Variants in TMTC1 observed in about 807,000 individuals in gnomAD.
TMTC1 encodes transmembrane O-mannosyltransferase targeting cadherins 1.
In TMTC1, 73 loss-of-function variants were observed where a neutral mutation model predicts 104.8. The observed-to-expected ratio is 0.70, with a 90% CI of 0.58 to 0.85. The LOEUF is 0.85. TMTC1 is among the 40% of genes least tolerant of loss of function. TMTC1 has a pLI of 0.00. For missense variants in TMTC1, 1,035 were observed against 1,096.1 expected (o/e 0.94, Z 0.79); for synonymous variants, 434 against 428.7 (o/e 1.01, Z -0.15).
At chr12:29,747,604 CA>C (rs1377883736) in intron 5 of TMTC1, among the ~76,000 whole-genome samples, 1 of 152,098 alleles carries the variant, frequency 6.6e-6, no homozygotes, top group Admixed American at 6.5e-5. Flanking sequence ...TGAACAACAA[CA>C]AAAAAATCGC....
At chr12:29,758,093 T>C (rs1418460455) in intron 3 of TMTC1, among the ~76,000 whole-genome samples, 1 of 152,140 alleles carries the variant, frequency 6.6e-6, no homozygotes, top group Non-Finnish European at 1.5e-5. Flanking sequence ...CACTCCTTTC[T>C]CTATATGGAC....
chr12:29,536,137 C>G (rs1394533652), intron 11 of TMTC1, 72 bp downstream of exon 11: 2 of 1,030,924 alleles, frequency 1.9e-6, no homozygotes, highest in East Asian at 4.8e-5. Context: ...ATCATTAGTA[C>G]AAAAATCTGT....
chr12:29,752,865 T>A (rs1238829191), intron 4 of TMTC1, among the ~76,000 whole-genome samples: 1 of 152,220 alleles, frequency 6.6e-6, no homozygotes, highest in Non-Finnish European at 1.5e-5. Flanking sequence ...TTCAGGATTG[T>A]GATTCCCTCT....
intron 2 of TMTC1, among the ~76,000 whole-genome samples, chr12:29,761,785 C>T (rs1943356638): frequency 6.6e-6 from 1 of 152,152 alleles, no homozygotes; most frequent in African/African-American, 2.4e-5. Context: ...GTTAAAGAAT[C>T]CATCAACAAT....
intron 10 of TMTC1, among the ~76,000 whole-genome samples, chr12:29,550,280 G>A (rs1020521377): frequency 2.0e-5 from 3 of 152,152 alleles, no homozygotes; most frequent in Non-Finnish European, 2.9e-5. Flanking sequence ...TTGATGTCAC[G>A]TGCATTACTG....
chr12:29,608,557 G>C (rs530759877), intron 6 of TMTC1, among the ~76,000 whole-genome samples: 2 of 152,292 alleles, frequency 1.3e-5, no homozygotes, highest in East Asian at 3.9e-4. Flanking sequence ...TTAATTTGGT[G>C]ATCAACTAGA....
intron 5 of TMTC1, among the ~76,000 whole-genome samples, chr12:29,715,375 G>T (rs1215533945): frequency 1.3e-5 from 2 of 152,104 alleles, no homozygotes; most frequent in African/African-American, 4.8e-5. Context: ...GAAAAAGTGT[G>T]ACAGCCATGA....
intron 6 of TMTC1, among the ~76,000 whole-genome samples, chr12:29,621,145 A>C (rs1326485779): frequency 6.6e-6 from 1 of 152,256 alleles, no homozygotes; most frequent in Non-Finnish European, 1.5e-5. Flanking sequence ...GCCAGAGGAA[A>C]AAAGAAAAAT....
At chr12:29,649,363 A>G (rs1048096788) in intron 5 of TMTC1, among the ~76,000 whole-genome samples, 1 of 152,230 alleles carries the variant, frequency 6.6e-6, no homozygotes, top group Non-Finnish European at 1.5e-5. Flanking sequence ...TACAAAGAAG[A>G]TAATAGAGCA....
intron 8 of TMTC1, among the ~76,000 whole-genome samples, chr12:29,578,874 A>C (rs964929632): frequency 6.6e-6 from 1 of 152,178 alleles, no homozygotes; most frequent in African/African-American, 2.4e-5. Context: ...CCCTGCCTTG[A>C]CCTGAGATTT....
chr12:29,772,924 T>C (rs1270106767), intron 1 of TMTC1, among the ~76,000 whole-genome samples: 1 of 152,226 alleles, frequency 6.6e-6, no homozygotes. Context: ...AGATTCTAAA[T>C]GAAAATTTAC....
chr12:29,651,747 T>C (rs1039127276), intron 5 of TMTC1, among the ~76,000 whole-genome samples: 3 of 152,196 alleles, frequency 2.0e-5, no homozygotes, highest in Non-Finnish European at 2.9e-5. Flanking sequence ...GGCATAGGTG[T>C]GTGAGATTTT....
At chr12:29,652,747 C>A (rs1939580882) in intron 5 of TMTC1, among the ~76,000 whole-genome samples, 1 of 152,142 alleles carries the variant, frequency 6.6e-6, no homozygotes, top group Non-Finnish European at 1.5e-5. Flanking sequence ...TAGTCTATAA[C>A]AATAAAGTGT....
rs117115166 is a variant in TMTC1, at chr12:29,741,087, A to G, written c.938+10579T>C. ...ATACCTTTTAAAAATCAGTTTGCCA[A>G]TGTGCAACTTTACTACATTATGATT... On this transcript the variant is annotated intron_variant, in intron 5 of 17. Coordinates refer to ENST00000539277, the MANE Select transcript of TMTC1 (RefSeq NM_001193451.2). 7.4e-3 allele frequency among the ~76,000 whole-genome samples: 1,123 copies of G among 152,338 alleles called. 3 individuals carry two copies. Among genetic ancestry groups the G allele is most frequent in the Non-Finnish European group, 0.013 (904 of 68,028 alleles).
intron 1 of TMTC1, among the ~76,000 whole-genome samples, chr12:29,775,836 C>T (rs1230201431): frequency 6.6e-6 from 1 of 152,092 alleles, no homozygotes; most frequent in Admixed American, 6.5e-5. Flanking sequence ...CCACAGCCAG[C>T]CCTCACCCTA....
chr12:29,542,996 ACT>A (rs1175870350), intron 10 of TMTC1, among the ~76,000 whole-genome samples: 1 of 152,056 alleles, frequency 6.6e-6, no homozygotes, highest in Admixed American at 6.5e-5. Flanking sequence ...GCAAAACTCA[ACT>A]CTCTCATGTT....
chr12:29,508,461 C>A (rs1943748369), intron 17 of TMTC1, among the ~76,000 whole-genome samples: 1 of 152,158 alleles, frequency 6.6e-6, no homozygotes, highest in Non-Finnish European at 1.5e-5. Context: ...CCAGGAGGCT[C>A]CCTGAATGTC....
At chr12:29,666,529 G>A (rs539436796) in intron 5 of TMTC1, among the ~76,000 whole-genome samples, 3 of 151,874 alleles carry the variant, frequency 2.0e-5, no homozygotes, top group Non-Finnish European at 2.9e-5. Context: ...CACCACACCC[G>A]GCCTACCCCT....
At chr12:29,548,809 A>ACAATATAT (rs754912121) in intron 10 of TMTC1, among the ~76,000 whole-genome samples, 7,578 of 142,912 alleles carry the variant, frequency 0.053, 685 homozygotes, top group African/African-American at 0.18. Context: ...ATATAAGTAT[A>ACAATATAT]AAGGTTATAT....
Sources: gnomAD v4.1 joint callset for allele counts (sites outside exome capture counted in the v4.1 genomes callset) on GRCh38, gnomAD v4.1.1 for gene constraint, MANE v1.5 for transcripts, NCBI Gene and HGNC (gene_info 2026-07-23, HGNC 2026-07-21) for gene names.